MAGI1: variants seen among roughly 807,000 people sequenced by gnomAD.
The protein encoded by MAGI1 is membrane-associated guanylate kinase, WW and PDZ domain-containing protein 1.
A neutral mutation model predicts 139.9 loss-of-function variants in MAGI1; 58 were observed. That is an observed-to-expected ratio of 0.41 (90% confidence interval 0.34 to 0.52). The LOEUF is 0.52. Ranked by LOEUF, MAGI1 falls within the 20% of genes least tolerant of loss-of-function variation. MAGI1 has a pLI of 0.12. For missense variants in MAGI1, 1,874 were observed against 1,901.6 expected, an observed-to-expected ratio of 0.99 and a Z score of 0.27; for synonymous variants, 812 against 737.9, an observed-to-expected ratio of 1.10 and a Z score of -1.63.
chr3:65,928,089 A>C (rs1208169595), intron 1 of MAGI1, among the ~76,000 whole-genome samples: 1 of 152,082 alleles, frequency 6.6e-6, no homozygotes, highest in Non-Finnish European at 1.5e-5. Context: ...TTTTACATGA[A>C]TTTATTTTCG....
At chr3:65,522,457 C>A (rs2078206312) in intron 2 of MAGI1, among the ~76,000 whole-genome samples, 1 of 152,134 alleles carries the variant, frequency 6.6e-6, no homozygotes. Flanking sequence ...TTCTCCCCTA[C>A]ATAAAGCCAA....
At chr3:65,703,149 G>A (rs1559802666) in intron 1 of MAGI1, among the ~76,000 whole-genome samples, 1 of 152,126 alleles carries the variant, frequency 6.6e-6, no homozygotes, top group Non-Finnish European at 1.5e-5. Flanking sequence ...TTTTGGCAGG[G>A]GGTGGCTGGC....
At chr3:65,650,167 G>T (rs2085501233) in intron 1 of MAGI1, among the ~76,000 whole-genome samples, 1 of 152,126 alleles carries the variant, frequency 6.6e-6, no homozygotes, top group African/African-American at 2.4e-5. Context: ...TTGCATAAAT[G>T]CTCTGGTGCT....
chr3:65,997,279 C>A (rs1481967351), intron 1 of MAGI1, among the ~76,000 whole-genome samples: 2 of 152,144 alleles, frequency 1.3e-5, no homozygotes, highest in African/African-American at 4.8e-5. Context: ...TATCCACAGA[C>A]CAAAATTCAG....
Position 66,020,166 on chromosome 3 carries a change from G to A in MAGI1, c.313+17830C>T, listed in dbSNP as rs116088032. 4.4e-3 allele frequency among the ~76,000 whole-genome samples: 672 copies of A among 152,310 alleles called. 7 individuals carry two copies. Among genetic ancestry groups the A allele is most frequent in the African/African-American group, 0.016 (645 of 41,570 alleles). On this transcript the variant is annotated intron_variant, in intron 1 of 22. Transcript: ENST00000402939. Reference sequence around the variant, plus strand: ...CAAATAAGAGCCATCTTGGCCGGGCGCAGTGGCTCACGCCTATAATTCCAG... The same window carrying A: ...CAAATAAGAGCCATCTTGGCCGGGCACAGTGGCTCACGCCTATAATTCCAG...
chr3:65,620,855 G>A (rs898667599), intron 2 of MAGI1, among the ~76,000 whole-genome samples: 1 of 152,124 alleles, frequency 6.6e-6, no homozygotes, highest in Non-Finnish European at 1.5e-5. Context: ...AAAGCCAGGG[G>A]CTATTCTAGA....
intron 2 of MAGI1, among the ~76,000 whole-genome samples, chr3:65,501,724 A>G (rs1286794747): frequency 1.3e-5 from 2 of 152,202 alleles, no homozygotes; most frequent in Non-Finnish European, 2.9e-5. Context: ...CAGAGAAATG[A>G]AAACATATTC....
chr3:65,837,527 C>T (rs1390238), intron 1 of MAGI1, among the ~76,000 whole-genome samples: 87,287 of 151,974 alleles, frequency 0.57, 25,847 homozygotes, highest in East Asian at 0.95. Flanking sequence ...TAGATGCCTT[C>T]GTCCTCTGCT....
At chr3:65,884,512 ACTTG>A (rs2060457183) in intron 1 of MAGI1, among the ~76,000 whole-genome samples, 2 of 152,254 alleles carry the variant, frequency 1.3e-5, no homozygotes, top group African/African-American at 4.8e-5. Flanking sequence ...ATTTAAGACA[ACTTG>A]AATCCATTTT....
intron 2 of MAGI1, among the ~76,000 whole-genome samples, chr3:65,596,366 C>T (rs13326145): frequency 0.067 from 10,219 of 152,232 alleles, 392 homozygotes; most frequent in East Asian, 0.13. Flanking sequence ...GCACTGAATA[C>T]TCATTCAAGA....
chr3:65,643,167 G>A (rs774155362), intron 1 of MAGI1, among the ~76,000 whole-genome samples: 1 of 152,146 alleles, frequency 6.6e-6, no homozygotes, highest in Non-Finnish European at 1.5e-5. Flanking sequence ...TCATTTCTCA[G>A]CTCCTCACCC....
At chr3:65,916,055 AT>A (rs2061888853) in intron 1 of MAGI1, among the ~76,000 whole-genome samples, 3 of 143,546 alleles carry the variant, frequency 2.1e-5, no homozygotes, top group African/African-American at 7.7e-5. Flanking sequence ...ATATATATAT[AT>A]TCATCTATTT....
chr3:65,639,989 CAA>C (rs10576734), intron 1 of MAGI1, among the ~76,000 whole-genome samples: 8,894 of 136,192 alleles, frequency 0.065, 892 homozygotes, highest in African/African-American at 0.22. Context: ...AACTCCGTCT[CAA>C]AAAAAAAAAA....
intron 1 of MAGI1, among the ~76,000 whole-genome samples, chr3:65,647,141 C>T (rs2085311872): frequency 6.6e-6 from 1 of 151,916 alleles, no homozygotes; most frequent in Non-Finnish European, 1.5e-5. Context: ...AGGGAAAAAC[C>T]AACTTAAGAC....
chr3:65,911,301 T>C (rs971898377), intron 1 of MAGI1, among the ~76,000 whole-genome samples: 1 of 151,886 alleles, frequency 6.6e-6, no homozygotes, highest in African/African-American at 2.4e-5. Flanking sequence ...CGTTTGTCCA[T>C]GGAATTTGAA....
At chr3:65,627,441 G>A (rs1404601398) in intron 1 of MAGI1, among the ~76,000 whole-genome samples, 1 of 142,612 alleles carries the variant, frequency 7.0e-6, no homozygotes, top group East Asian at 2.1e-4. Context: ...GGAAAATGGG[G>A]CTTAGATGCT....
intron 1 of MAGI1, among the ~76,000 whole-genome samples, chr3:65,836,388 C>A (rs949623564): frequency 6.6e-6 from 1 of 152,124 alleles, no homozygotes; most frequent in African/African-American, 2.4e-5. Flanking sequence ...CTTAAAGAAT[C>A]TCTAAAGTAT....
chr3:65,584,998 T>C (rs1041514127), intron 2 of MAGI1, among the ~76,000 whole-genome samples: 17 of 152,184 alleles, frequency 1.1e-4, no homozygotes, highest in African/African-American at 3.6e-4. Context: ...GTAAGACTTA[T>C]TGATGTGTAA....
rs571577260 is a variant in MAGI1 at position 65,395,317 on chromosome 3, G to A, written c.2200-3959C>T. On this transcript the variant is annotated intron_variant, in intron 13 of 22. Coordinates refer to ENST00000402939, the MANE Select transcript of MAGI1 (RefSeq NM_001033057.2). ...CACTGCAATGTCCTTTAGAAAGGTG[G>A]TAAAGAGAGGACTCTGGAAGAACCC... Among the ~76,000 whole-genome samples the A allele has an allele frequency of 3.3e-5, 5 of 151,962 alleles. No individual in the cohort carries two copies. The East Asian group carries it at 9.8e-4, about 30-fold the overall frequency.
Sources: allele counts gnomAD v4.1 joint callset (sites outside exome capture counted in the v4.1 genomes callset), GRCh38; gene constraint gnomAD v4.1.1; transcripts MANE v1.5; gene names NCBI Gene and HGNC (gene_info 2026-07-23, HGNC 2026-07-21).